EML5: variants seen among roughly 807,000 people sequenced by gnomAD.
The protein encoded by EML5 is echinoderm microtubule-associated protein-like 5.
EML5 carries 120 observed loss-of-function variants against 250.0 expected under a neutral mutation model. That is an observed-to-expected ratio of 0.48 (90% confidence interval 0.41 to 0.56). EML5 has a LOEUF of 0.56. EML5 is among the 20% of genes least tolerant of loss of function. EML5 has a pLI of 0.00. For synonymous variants in EML5, 771 were observed against 806.5 expected (o/e 0.96, Z 0.75); for missense variants, 2,006 against 2,437.6 (o/e 0.82, Z 3.73).
chr14:88,648,057 T>G (rs2091442109), intron 28 of EML5, among the ~76,000 whole-genome samples: 1 of 152,274 alleles, frequency 6.6e-6, no homozygotes, highest in East Asian at 1.9e-4. Flanking sequence ...AATTTAGAAT[T>G]TTGCTAGTAA....
At chr14:88,617,000 T>C in intron 41 of EML5, 121 bp from the exon 42 acceptor site, 2 of 846,836 alleles carry the variant, frequency 2.4e-6, no homozygotes, top group Admixed American at 2.7e-5. Context: ...ATACAGGAAG[T>C]AAATTATGGT....
chr14:88,776,999 G>A (rs915417077), intron 1 of EML5, among the ~76,000 whole-genome samples: 3 of 152,140 alleles, frequency 2.0e-5, no homozygotes, highest in Non-Finnish European at 4.4e-5. Flanking sequence ...TAGATAAAGA[G>A]ACAGGAGTAG....
intron 4 of EML5, among the ~76,000 whole-genome samples, chr14:88,743,460 C>T (rs1214749226): frequency 6.6e-6 from 1 of 152,010 alleles, no homozygotes; most frequent in Non-Finnish European, 1.5e-5. Context: ...GGAAAAGCAA[C>T]ACTTTCAGAA....
chr14:88,754,267 A>G (rs920527201), intron 2 of EML5, among the ~76,000 whole-genome samples: 28 of 152,214 alleles, frequency 1.8e-4, no homozygotes, highest in Non-Finnish European at 3.1e-4. Context: ...ATAACCATGT[A>G]ATATTCCACT....
In EML5 at chr14:88,792,946, G is replaced by GCGAGCCGAGC. The variant is rs760126982; in HGVS notation, c.-444_-443insGCTCGGCTCG. On this transcript the variant is annotated 5_prime_UTR_variant, in exon 1 of 44. Coordinates refer to ENST00000554922, the MANE Select transcript of EML5 (RefSeq NM_183387.3). The surrounding 1 kb of genome is among the most constrained non-coding windows in gnomAD (Gnocchi z 6.9). ...CCCGCGCCGCGCACCCCGAAACCGA[G>GCGAGCCGAGC]CGAGCCGAGCCGAGCCGAGCCGAGC... Among the ~76,000 whole-genome samples, 9,270 of 151,606 alleles carry GCGAGCCGAGC rather than the reference G, an allele frequency of 0.061. 672 individuals carry two copies. Among genetic ancestry groups the GCGAGCCGAGC allele is most frequent in the African/African-American group, 0.16 (6,799 of 41,356 alleles).
chr14:88,641,803 C>T (rs2091081838), intron 31 of EML5, among the ~76,000 whole-genome samples: 1 of 152,116 alleles, frequency 6.6e-6, no homozygotes, highest in Non-Finnish European at 1.5e-5. Context: ...TCTCTCTAGA[C>T]ACCCCACCAC....
intron 2 of EML5, among the ~76,000 whole-genome samples, chr14:88,748,752 A>G (rs1018574306): frequency 6.6e-6 from 1 of 152,114 alleles, no homozygotes; most frequent in African/African-American, 2.4e-5. Flanking sequence ...AAAAGATATA[A>G]AAGAACAACA....
rs2140187909 is a variant in EML5, at chr14:88,612,737, C to T, written c.*3081G>A. On this transcript the variant is annotated 3_prime_UTR_variant, in exon 44 of 44. Transcript: ENST00000554922. Reference sequence around the variant, plus strand: ...ACAGAGATCAGATCAGATAGGTAAACTGCAAGATAGATAGGATGAAACTTT... The same window carrying T: ...ACAGAGATCAGATCAGATAGGTAAATTGCAAGATAGATAGGATGAAACTTT... 1 of 152,586 alleles carries T rather than the reference C, an allele frequency of 6.6e-6. No individual in the cohort carries two copies. Among genetic ancestry groups the T allele is most frequent in the African/African-American group, 2.4e-5 (1 of 41,496 alleles). 9.5% of individuals were successfully genotyped at this position (152,586 alleles called of 1,614,324 possible). A position where few individuals can be genotyped will look rare whatever the true frequency, so the allele number is the denominator to read the frequency against.
In EML5 at chr14:88,657,385, A is replaced by G. The variant is rs1266981313; in HGVS notation, c.3995T>C (p.Ile1332Thr). 6.4e-7 allele frequency: 1 copy of G among 1,572,806 alleles called. No homozygotes were observed. Among genetic ancestry groups the G allele is most frequent in the Non-Finnish European group, 8.6e-7 (1 of 1,156,790 alleles). The change falls in exon 27 of 44, where the codon ATT becomes ACT. Residue 1332 changes from isoleucine (I) to threonine (T), a missense_variant. Ile to Thr is a moderately conservative substitution (Grantham distance 89). Coordinates refer to ENST00000554922, the MANE Select transcript of EML5 (RefSeq NM_183387.3). ...TAAACTAAATTATTACCTTTCATCA[A>G]TTGAGGGTTCTTTTTGTTGTAAATG... ...KPHLQQKEPS[I>T]DERQGVVRGS... is the part of the protein sequence containing the mutation.
intron 1 of EML5, among the ~76,000 whole-genome samples, chr14:88,787,272 T>C (rs550859177): frequency 2.0e-5 from 3 of 152,354 alleles, no homozygotes; most frequent in Admixed American, 1.3e-4. Flanking sequence ...ATTCCTAGTA[T>C]ACATATGCTC....
At chr14:88,643,102 A>G in intron 30 of EML5, 80 bp from the exon 31 acceptor site, 1 of 1,311,936 alleles carries the variant, frequency 7.6e-7, no homozygotes, top group Non-Finnish European at 1.0e-6. Context: ...ACGTAATACT[A>G]GTAGTGTCTG....
At chr14:88,679,786 A>T (rs984165493) in intron 21 of EML5, among the ~76,000 whole-genome samples, 1 of 152,208 alleles carries the variant, frequency 6.6e-6, no homozygotes, top group Non-Finnish European at 1.5e-5. Context: ...CAAACAAGAG[A>T]TAGTATTATC....
intron 7 of EML5, among the ~76,000 whole-genome samples, chr14:88,726,929 C>T (rs544348123): frequency 3.3e-5 from 5 of 152,182 alleles, no homozygotes; most frequent in African/African-American, 1.2e-4. Flanking sequence ...AGTGCAGTGG[C>T]GTGATCATAG....
At chr14:88,660,724 AGAGT>A (rs2092064082) in intron 25 of EML5, among the ~76,000 whole-genome samples, 1 of 151,146 alleles carries the variant, frequency 6.6e-6, no homozygotes, top group Non-Finnish European at 1.5e-5. Flanking sequence ...GCCTGGCGAC[AGAGT>A]GAGACTCCAT....
In EML5 at chr14:88,673,066, C is replaced by T. The variant is rs550093609; in HGVS notation, c.3125-7577G>A. On this transcript the variant is annotated intron_variant, in intron 21 of 43. Transcript: ENST00000554922. ...GCCAGCATGATCTTGATACCAAAAC[C>T]TGGCAGAGATGCAACAAAAAAAAGA... Among the ~76,000 whole-genome samples the T allele has an allele frequency of 2.6e-5, 4 of 152,176 alleles. No homozygotes were observed. The East Asian group carries it at 7.7e-4, about 29-fold the overall frequency.
At chr14:88,631,847 C>G (rs2090458216) in intron 33 of EML5, among the ~76,000 whole-genome samples, 1 of 152,158 alleles carries the variant, frequency 6.6e-6, no homozygotes, top group South Asian at 2.1e-4. Flanking sequence ...CAGCTCATAT[C>G]TCTTCTAATG....
intron 27 of EML5, among the ~76,000 whole-genome samples, chr14:88,654,070 G>A (rs1377288856): frequency 6.6e-6 from 1 of 152,140 alleles, no homozygotes; most frequent in Non-Finnish European, 1.5e-5. Flanking sequence ...TATTTGCGTA[G>A]AGGTCTTTAT....
At chr14:88,760,709 G>T (rs2094227633) in intron 1 of EML5, among the ~76,000 whole-genome samples, 1 of 152,078 alleles carries the variant, frequency 6.6e-6, no homozygotes, top group Non-Finnish European at 1.5e-5. Flanking sequence ...TTGGGATTAT[G>T]ATTAGAATTG....
In EML5 at chr14:88,666,501, C is replaced by T. The variant is rs574224308; in HGVS notation, c.3125-1012G>A. 3.3e-5 allele frequency among the ~76,000 whole-genome samples: 5 copies of T among 152,260 alleles called. No homozygotes were observed. In the East Asian group the frequency reaches 9.7e-4, roughly 29 times the overall value. The stretch of plus-strand genomic sequence containing the variant: ...TCAGACTCTCAAAGTGCTGGGATTA[C>T]AGGCATGAGCCACAGCACCTGGCCT... On this transcript the variant is annotated intron_variant, in intron 21 of 43. Transcript: ENST00000554922.
Sources: allele counts gnomAD v4.1 joint callset (sites outside exome capture counted in the v4.1 genomes callset), GRCh38; gene constraint gnomAD v4.1.1; non-coding constraint Gnocchi (gnomAD v3.1); transcripts MANE v1.5; gene names NCBI Gene and HGNC (gene_info 2026-07-23, HGNC 2026-07-21).